Variants in FHIT observed in about 807,000 individuals in gnomAD.
FHIT encodes the protein bis(5'-adenosyl)-triphosphatase.
FHIT carries 19 observed loss-of-function variants against 17.9 expected under a neutral mutation model. The observed-to-expected ratio is 1.06, with a 90% CI of 0.74 to 1.56. The LOEUF is 1.56. Ranked by LOEUF, FHIT falls within the 40% of genes most tolerant of loss-of-function variation. The pLI is 0.00. For synonymous variants in FHIT, 81 were observed against 69.7 expected (o/e 1.16, Z -0.81); for missense variants, 248 against 189.2 (o/e 1.31, Z -1.82).
At chr3:60,220,266 C>G (rs1445835920) in intron 5 of FHIT, among the ~76,000 whole-genome samples, 2 of 151,918 alleles carry the variant, frequency 1.3e-5, no homozygotes, top group African/African-American at 2.4e-5. Context: ...AAAATCAGAC[C>G]TGATAAAACT....
chr3:61,118,565 G>C (rs960237885), intron 2 of FHIT, among the ~76,000 whole-genome samples: 1 of 152,094 alleles, frequency 6.6e-6, no homozygotes, highest in Non-Finnish European at 1.5e-5. Context: ...ATAGCACCTG[G>C]ACCTCATTCC....
At chr3:60,522,034 A>T (rs1459597016) in intron 5 of FHIT, among the ~76,000 whole-genome samples, 5 of 150,716 alleles carry the variant, frequency 3.3e-5, no homozygotes, top group African/African-American at 4.9e-5. Context: ...TGTAGGTCAG[A>T]GGGTGGCAGG....
At chr3:60,730,785 G>T (rs1204413152) in intron 4 of FHIT, 1 of 152,206 alleles carries the variant, frequency 6.6e-6, no homozygotes, top group Non-Finnish European at 1.5e-5. Context: ...GTGCTGGGAG[G>T]TACTGTAAAT....
intron 5 of FHIT, among the ~76,000 whole-genome samples, chr3:60,135,458 T>C (rs1699778712): frequency 6.6e-6 from 1 of 152,170 alleles, no homozygotes; most frequent in Non-Finnish European, 1.5e-5. Flanking sequence ...GTGGAATACC[T>C]ACAATGGGGT....
At chr3:60,071,427 C>T (rs1415310321) in intron 5 of FHIT, among the ~76,000 whole-genome samples, 1 of 152,146 alleles carries the variant, frequency 6.6e-6, no homozygotes, top group Non-Finnish European at 1.5e-5. Context: ...CCGGGCACTG[C>T]AACCGTGTCT....
At chr3:60,829,715 C>G (rs1458785871) in intron 3 of FHIT, among the ~76,000 whole-genome samples, 1 of 150,084 alleles carries the variant, frequency 6.7e-6, no homozygotes, top group African/African-American at 2.4e-5. Flanking sequence ...GAATATAAAG[C>G]TTTCCTGGTT....
intron 5 of FHIT, among the ~76,000 whole-genome samples, chr3:60,525,031 C>T (rs570635127): frequency 6.6e-6 from 1 of 152,204 alleles, no homozygotes; most frequent in East Asian, 1.9e-4. Context: ...TGGAGGAGTA[C>T]AAGTAGGAAC....
At chr3:60,524,245 CACAA>C (rs1397236483) in intron 5 of FHIT, among the ~76,000 whole-genome samples, 3 of 92,948 alleles carry the variant, frequency 3.2e-5, no homozygotes, top group African/African-American at 1.2e-4. Context: ...CACACACACA[CACAA>C]ATAAATTATA....
intron 8 of FHIT, among the ~76,000 whole-genome samples, chr3:59,838,097 C>T (rs1701403032): frequency 6.6e-6 from 1 of 152,124 alleles, no homozygotes. Flanking sequence ...CATTCACTCT[C>T]GCTGTCCCAC....
At chr3:59,900,889 C>A (rs1232708544) in intron 8 of FHIT, among the ~76,000 whole-genome samples, 1 of 152,196 alleles carries the variant, frequency 6.6e-6, no homozygotes, top group Admixed American at 6.5e-5. Flanking sequence ...TCTGGGATTA[C>A]AGACGTGAGC....
intron 4 of FHIT, among the ~76,000 whole-genome samples, chr3:60,668,459 A>AC (rs1429166158): frequency 6.6e-6 from 1 of 150,734 alleles, no homozygotes. Context: ...CAGTTAGGAA[A>AC]CACTCGGTCT....
At chr3:60,998,804 A>T (rs2030855170) in intron 3 of FHIT, among the ~76,000 whole-genome samples, 1 of 152,088 alleles carries the variant, frequency 6.6e-6, no homozygotes, top group Admixed American at 6.6e-5. Context: ...AGTCAAATAT[A>T]TAACACCTTC....
At chr3:60,614,381 A>G (rs2038876346) in intron 4 of FHIT, among the ~76,000 whole-genome samples, 1 of 152,196 alleles carries the variant, frequency 6.6e-6, no homozygotes, top group African/African-American at 2.4e-5. Flanking sequence ...AGGTGGATGG[A>G]TGACCTGAGG....
intron 5 of FHIT, among the ~76,000 whole-genome samples, chr3:60,273,035 G>C (rs1032991172): frequency 1.3e-5 from 2 of 152,186 alleles, no homozygotes; most frequent in Non-Finnish European, 2.9e-5. Context: ...CAATGGATTA[G>C]TAAAAACTAC....
At chr3:59,941,945 G>A (rs562036502) in intron 7 of FHIT, among the ~76,000 whole-genome samples, 1 of 152,120 alleles carries the variant, frequency 6.6e-6, no homozygotes, top group Non-Finnish European at 1.5e-5. Context: ...CCTTGGATGA[G>A]AGCTCACTCC....
At chr3:61,059,755 G>A (rs143607308) in intron 2 of FHIT, among the ~76,000 whole-genome samples, 11 of 152,274 alleles carry the variant, frequency 7.2e-5, no homozygotes, top group East Asian at 1.9e-4. Context: ...CCTCAACGTC[G>A]TTCTTGCATT....
At position 60,166,629 on chromosome 3, in the gene FHIT, A is replaced by C. The variant is rs1456334106; in HGVS notation, c.104-152477T>G. Among the ~76,000 whole-genome samples the C allele has an allele frequency of 2.6e-5, 4 of 152,174 alleles. No individual in the cohort carries two copies. In the East Asian group the frequency reaches 7.7e-4, roughly 29 times the overall value. ...TGAGACAGCAAAGATGAATCCCAGC[A>C]ATCTATCTCCAGAACTTGGACCCTA... On this transcript the variant is annotated intron_variant, in intron 5 of 9. Coordinates refer to ENST00000492590, the MANE Select transcript of FHIT (RefSeq NM_002012.4).
At chr3:59,955,715 T>G (rs1213115918) in intron 7 of FHIT, among the ~76,000 whole-genome samples, 1 of 152,178 alleles carries the variant, frequency 6.6e-6, no homozygotes, top group Non-Finnish European at 1.5e-5. Flanking sequence ...GCCAGAAATC[T>G]AAGAGTCATT....
chr3:60,181,413 T>A (rs1257767193), intron 5 of FHIT, among the ~76,000 whole-genome samples: 1 of 152,190 alleles, frequency 6.6e-6, no homozygotes, highest in African/African-American at 2.4e-5. Context: ...CCCAAAGTGC[T>A]GGGATTACAG....
Sources: allele counts gnomAD v4.1 joint callset (sites outside exome capture counted in the v4.1 genomes callset), GRCh38; gene constraint gnomAD v4.1.1; transcripts MANE v1.5; gene names NCBI Gene and HGNC (gene_info 2026-07-23, HGNC 2026-07-21).